STK24: variants seen among roughly 807,000 people sequenced by gnomAD.
STK24 encodes the protein serine/threonine kinase 24.
STK24 carries 21 observed loss-of-function variants against 55.6 expected under a neutral mutation model. The ratio of observed to expected loss-of-function variants is 0.38; its 90% CI spans 0.27 to 0.54. The LOEUF (loss-of-function observed/expected upper bound fraction) is 0.54. Ranked by LOEUF, STK24 falls within the 20% of genes least tolerant of loss-of-function variation. The pLI is 0.79. For missense variants in STK24, 383 were observed against 538.4 expected (o/e 0.71, Z 2.86); for synonymous variants, 200 against 215.2 (o/e 0.93, Z 0.62).
chr13:98,491,691 CA>C (rs11285292), intron 2 of STK24, among the ~76,000 whole-genome samples: 39,167 of 132,578 alleles, frequency 0.3, 5,402 homozygotes, highest in East Asian at 0.45. Context: ...ATTACTAAGC[CA>C]AAAAAAAAAA....
At chr13:98,464,592 T>G (rs1893860003) in intron 6 of STK24, among the ~76,000 whole-genome samples, 1 of 149,882 alleles carries the variant, frequency 6.7e-6, no homozygotes, top group African/African-American at 2.5e-5. Flanking sequence ...GCCTCCCCAG[T>G]TCAAACGATT....
intron 1 of STK24, among the ~76,000 whole-genome samples, chr13:98,536,038 A>T (rs1210590459): frequency 1.3e-5 from 2 of 152,224 alleles, no homozygotes; most frequent in African/African-American, 4.8e-5. Context: ...TTTACCTGAA[A>T]ATCTTTTAGC....
chr13:98,565,050 A>C (rs1897529663), intron 1 of STK24, among the ~76,000 whole-genome samples: 1 of 152,224 alleles, frequency 6.6e-6, no homozygotes, highest in Admixed American at 6.5e-5. Flanking sequence ...TGGAAATACA[A>C]GCCATAGGCT....
At chr13:98,524,842 A>C (rs191550541) in intron 1 of STK24, among the ~76,000 whole-genome samples, 1 of 152,150 alleles carries the variant, frequency 6.6e-6, no homozygotes, top group African/African-American at 2.4e-5. Flanking sequence ...CTCTTTTACT[A>C]TTGTCCCAAA....
intron 5 of STK24, among the ~76,000 whole-genome samples, chr13:98,469,144 G>C (rs1894040508): frequency 6.6e-6 from 1 of 152,224 alleles, no homozygotes. Context: ...TCTGCACGCA[G>C]TGTGCACCAC....
intron 10 of STK24, chr13:98,455,847 C>T (rs1380532980): frequency 6.6e-6 from 1 of 152,224 alleles, no homozygotes; most frequent in Admixed American, 6.5e-5. Context: ...AAGACAGTAA[C>T]AATCCTACCC....
At chr13:98,533,865 T>C (rs1896642874) in intron 1 of STK24, among the ~76,000 whole-genome samples, 1 of 152,030 alleles carries the variant, frequency 6.6e-6, no homozygotes, top group South Asian at 2.1e-4. Flanking sequence ...AAGGTGACCC[T>C]AGAGAGAATA....
chr13:98,488,921 A>T (rs544392002), intron 2 of STK24, among the ~76,000 whole-genome samples: 1 of 152,388 alleles, frequency 6.6e-6, no homozygotes, highest in South Asian at 2.1e-4. Flanking sequence ...GGCAGCCTCC[A>T]CATTTCACCA....
At chr13:98,530,051 G>C (rs1467160949) in intron 1 of STK24, among the ~76,000 whole-genome samples, 1 of 152,102 alleles carries the variant, frequency 6.6e-6, no homozygotes, top group Non-Finnish European at 1.5e-5. Flanking sequence ...TGACGGCAAA[G>C]AAAGAAGGCA....
intron 7 of STK24, 102 bp from the exon 8 acceptor site, chr13:98,461,999 C>A: frequency 2.1e-6 from 3 of 1,454,876 alleles, no homozygotes; most frequent in Non-Finnish European, 2.8e-6. Context: ...TAAACCCACA[C>A]CCACCAGCCC....
At chr13:98,477,641 C>T (rs528286416) in intron 3 of STK24, among the ~76,000 whole-genome samples, 1 of 151,122 alleles carries the variant, frequency 6.6e-6, no homozygotes, top group African/African-American at 2.4e-5. Flanking sequence ...CACCATTGCA[C>T]TCCAGCCTGG....
chr13:98,537,218 G>A (rs2139413070), intron 1 of STK24, among the ~76,000 whole-genome samples: 1 of 152,298 alleles, frequency 6.6e-6, no homozygotes, highest in East Asian at 1.9e-4. Context: ...CCCTCAGAGG[G>A]CTCCCATCAG....
chr13:98,490,077 C>T (rs1376323843), intron 2 of STK24, among the ~76,000 whole-genome samples: 1 of 152,190 alleles, frequency 6.6e-6, no homozygotes, highest in South Asian at 2.1e-4. Context: ...GCACCCAAGA[C>T]AGCCAGCTCT....
At chr13:98,542,538 T>A (rs990484516) in intron 1 of STK24, among the ~76,000 whole-genome samples, 1 of 147,544 alleles carries the variant, frequency 6.8e-6, no homozygotes, top group Non-Finnish European at 1.5e-5. Context: ...CAGAGCACTC[T>A]GTGTTTTTCA....
At chr13:98,547,153 C>A (rs1447590446) in intron 1 of STK24, among the ~76,000 whole-genome samples, 2 of 152,130 alleles carry the variant, frequency 1.3e-5, no homozygotes, top group Non-Finnish European at 2.9e-5. Flanking sequence ...ACCTCGTGAT[C>A]CACCCGCCTC....
chr13:98,490,570 C>T (rs1010963290), intron 2 of STK24, among the ~76,000 whole-genome samples: 2 of 152,152 alleles, frequency 1.3e-5, no homozygotes, highest in Non-Finnish European at 2.9e-5. Context: ...ACATACAATA[C>T]TAAGTTGGAC....
chr13:98,570,272 C>T (rs904763281), intron 1 of STK24, among the ~76,000 whole-genome samples: 1 of 152,118 alleles, frequency 6.6e-6, no homozygotes, highest in Admixed American at 6.5e-5. Context: ...TAAGAAATGG[C>T]GGGAGGTGGA....
At chr13:98,453,436 A>C in intron 10 of STK24, 2 of 545,024 alleles carry the variant, frequency 3.7e-6, no homozygotes, top group Non-Finnish European at 6.4e-6. Context: ...AAAACCAAGA[A>C]TGGGTTCAGC....
chr13:98,533,427 GA>G (rs1394557840), intron 1 of STK24, among the ~76,000 whole-genome samples: 1 of 151,458 alleles, frequency 6.6e-6, no homozygotes, highest in Non-Finnish European at 1.5e-5. Flanking sequence ...TTTAATTAAG[GA>G]AAACCCTAGT....
Sources: allele counts gnomAD v4.1 joint callset (sites outside exome capture counted in the v4.1 genomes callset), GRCh38; gene constraint gnomAD v4.1.1; transcripts MANE v1.5; gene names NCBI Gene and HGNC (gene_info 2026-07-23, HGNC 2026-07-21).